The following MAP3K5 variants were observed in gnomAD, a reference collection of about 807,000 sequenced individuals.
MAP3K5 encodes the protein ASK-1.
MAP3K5 carries 56 observed loss-of-function variants against 158.7 expected under a neutral mutation model. That is an observed-to-expected ratio of 0.35 (90% CI 0.28 to 0.44). The LOEUF (loss-of-function observed/expected upper bound fraction) is 0.44. Ranked by LOEUF, MAP3K5 falls within the 20% of genes least tolerant of loss-of-function variation. The probability of loss-of-function intolerance (pLI) is 1.00; values close to 1 mark genes in which losing one functional copy is unlikely to be tolerated. For missense variants in MAP3K5, 1,294 were observed against 1,674.8 expected (o/e 0.77, Z 3.97); for synonymous variants, 579 against 601.7 (o/e 0.96, Z 0.55).
intron 7 of MAP3K5, among the ~76,000 whole-genome samples, chr6:136,683,013 T>C (rs1223159494): frequency 6.6e-6 from 1 of 152,124 alleles, no homozygotes; most frequent in Non-Finnish European, 1.5e-5. Flanking sequence ...CATGGATAAA[T>C]ATATCAAATA....
chr6:136,669,418 A>T lies in MAP3K5; in HGVS notation c.1254-23T>A, dbSNP rs1162241583. ...AACCTATAAAAAACCACAAATGTAC[A>T]AGTTAACTTTCTCAATCATGAAACC... On this transcript the variant is annotated intron_variant, in intron 7 of 29. Coordinates refer to ENST00000359015, the MANE Select transcript of MAP3K5 (RefSeq NM_005923.4). 2.9e-6 allele frequency: 4 copies of T among 1,361,880 alleles called. No homozygotes were observed. In the Middle Eastern group the frequency reaches 7.6e-4, roughly 257 times the overall value. The allele number at this position is 1,361,880 out of a possible 1,614,324, so 84.4% of individuals were successfully genotyped here.
At chr6:136,718,189 AATT>A (rs759620006) in intron 2 of MAP3K5, among the ~76,000 whole-genome samples, 5 of 151,944 alleles carry the variant, frequency 3.3e-5, no homozygotes, top group African/African-American at 4.8e-5. Flanking sequence ...CTCTTTTAAG[AATT>A]ATTATTATTA....
At chr6:136,657,200 T>C (rs1440585125) in intron 9 of MAP3K5, among the ~76,000 whole-genome samples, 4 of 152,214 alleles carry the variant, frequency 2.6e-5, no homozygotes, top group Admixed American at 2.0e-4. Context: ...TTATATATTA[T>C]ACAAATACCC....
intron 8 of MAP3K5, among the ~76,000 whole-genome samples, chr6:136,667,221 A>G (rs1202522542): frequency 1.3e-5 from 2 of 152,254 alleles, no homozygotes; most frequent in African/African-American, 4.8e-5. Flanking sequence ...ATATATACTG[A>G]AAAATATATA....
chr6:136,712,983 C>T (rs775495841), intron 2 of MAP3K5, among the ~76,000 whole-genome samples: 3 of 152,150 alleles, frequency 2.0e-5, no homozygotes, highest in Non-Finnish European at 2.9e-5. Flanking sequence ...TACCCAGTCT[C>T]AGGTATGTCT....
chr6:136,650,746 G>A lies in MAP3K5; in HGVS notation c.1788+238C>T, dbSNP rs148451146. 2.3e-3 allele frequency among the ~76,000 whole-genome samples: 352 copies of A among 152,158 alleles called. 1 individual carries two copies. Among genetic ancestry groups the A allele is most frequent in the Middle Eastern group, 0.014 (4 of 294 alleles). The stretch of plus-strand genomic sequence containing the variant: ...TTCCAATTCTGAGTATGCTTTGGAT[G>A]GTTATGCCATCTATAATAAAAATCC... On this transcript the variant is annotated intron_variant, in intron 11 of 29. Coordinates refer to ENST00000359015, the MANE Select transcript of MAP3K5 (RefSeq NM_005923.4).
At chr6:136,741,492 A>T (rs1782706591) in intron 1 of MAP3K5, among the ~76,000 whole-genome samples, 1 of 151,800 alleles carries the variant, frequency 6.6e-6, no homozygotes, top group Non-Finnish European at 1.5e-5. Flanking sequence ...AAATAATAAA[A>T]GTGTTCAAAT....
chr6:136,722,268 T>C (rs2114786704), intron 1 of MAP3K5, among the ~76,000 whole-genome samples: 1 of 152,210 alleles, frequency 6.6e-6, no homozygotes, highest in Middle Eastern at 3.4e-3. Flanking sequence ...ATTTAGGAAA[T>C]ATAAAACAGA....
intron 2 of MAP3K5, among the ~76,000 whole-genome samples, chr6:136,717,093 TA>T (rs1415300071): frequency 6.8e-6 from 1 of 148,030 alleles, no homozygotes; most frequent in African/African-American, 2.5e-5. Context: ...TCCATTGCAC[TA>T]AAAAAGCAAA....
At chr6:136,716,315 A>G (rs1200669066) in intron 2 of MAP3K5, among the ~76,000 whole-genome samples, 2 of 152,106 alleles carry the variant, frequency 1.3e-5, no homozygotes, top group Non-Finnish European at 2.9e-5. Flanking sequence ...ACTCTCCACA[A>G]TCTGGCCATC....
intron 25 of MAP3K5, among the ~76,000 whole-genome samples, chr6:136,568,717 A>G (rs1180951310): frequency 2.0e-5 from 3 of 152,056 alleles, no homozygotes; most frequent in African/African-American, 7.2e-5. Flanking sequence ...TACTAAAAAT[A>G]CAAAAATTAG....
At chr6:136,653,222 A>G (rs1048015536) in intron 10 of MAP3K5, among the ~76,000 whole-genome samples, 9 of 152,232 alleles carry the variant, frequency 5.9e-5, no homozygotes, top group Non-Finnish European at 1.3e-4. Context: ...AGGAGAGGTA[A>G]GAAAAAAGAA....
intron 21 of MAP3K5, among the ~76,000 whole-genome samples, chr6:136,595,445 T>TC (rs1775582442): frequency 6.6e-6 from 1 of 152,080 alleles, no homozygotes; most frequent in South Asian, 2.1e-4. Flanking sequence ...CTAGATTGAG[T>TC]CCCCTTCTCT....
At chr6:136,657,066 AAAATG>A in intron 9 of MAP3K5, among the ~76,000 whole-genome samples, 2 of 152,348 alleles carry the variant, frequency 1.3e-5, no homozygotes, top group East Asian at 3.9e-4. Flanking sequence ...CTTGAACTTT[AAAATG>A]TGTATATTCT....
chr6:136,708,069 TG>T (rs1781153247), intron 2 of MAP3K5, among the ~76,000 whole-genome samples: 2 of 152,304 alleles, frequency 1.3e-5, no homozygotes, highest in Admixed American at 1.3e-4. Context: ...CTAAAAACAG[TG>T]GTTGCCAATG....
chr6:136,648,976 T>A (rs1005818720), intron 11 of MAP3K5, among the ~76,000 whole-genome samples: 21 of 152,344 alleles, frequency 1.4e-4, no homozygotes, highest in Middle Eastern at 3.4e-3. Context: ...TATTTTATTT[T>A]ATTTATTTTT....
chr6:136,775,664 G>T (rs1784377358), intron 1 of MAP3K5, among the ~76,000 whole-genome samples: 1 of 152,196 alleles, frequency 6.6e-6, no homozygotes, highest in African/African-American at 2.4e-5. Context: ...ATCCACTCCT[G>T]CAAACTTAGT....
rs761937115 is a variant in MAP3K5 at position 136,583,618 on chromosome 6, C to T, written c.3348G>A (p.Glu1116=). Residue 1116 remains glutamate (E), a synonymous_variant, in exon 24 of 30, where the codon GAG becomes GAA. Transcript: ENST00000359015. ...IATTLSKLKL[E]LDFDSHGISQ... is the part of the protein sequence containing the mutation. The stretch of plus-strand genomic sequence containing the variant: ...TAATGCCATGGCTGTCGAAGTCCAG[C>T]TCCAGTTTCAGCTTTGACAGTGTGG... The T allele has an allele frequency of 1.9e-6, 3 of 1,614,224 alleles. No homozygotes were observed. The highest frequency in any genetic ancestry group is 2.5e-6 in the Non-Finnish European group (3 of 1,180,046).
At chr6:136,570,549 A>C (rs1774315947) in intron 25 of MAP3K5, among the ~76,000 whole-genome samples, 1 of 152,192 alleles carries the variant, frequency 6.6e-6, no homozygotes, top group South Asian at 2.1e-4. Context: ...AAGAGAACTC[A>C]TCATCTTTTG....
Sources: gnomAD v4.1 joint callset for allele counts (sites outside exome capture counted in the v4.1 genomes callset) on GRCh38, gnomAD v4.1.1 for gene constraint, MANE v1.5 for transcripts, NCBI Gene and HGNC (gene_info 2026-07-23, HGNC 2026-07-21) for gene names.